Variants in ABHD17B observed in about 807,000 individuals in gnomAD.
The protein encoded by ABHD17B is abhydrolase domain containing 17B, depalmitoylase.
In ABHD17B, 9 loss-of-function variants were observed where a neutral mutation model predicts 26.2. The ratio of observed to expected loss-of-function variants is 0.34; its 90% CI spans 0.21 to 0.60. ABHD17B has a LOEUF of 0.60. ABHD17B is among the 20% of genes least tolerant of loss of function. The pLI is 0.80. For synonymous variants in ABHD17B, 127 were observed against 122.3 expected (o/e 1.04, Z -0.25); for missense variants, 224 against 352.1 (o/e 0.64, Z 2.91).
chr9:71,893,184 T>A (rs13283209), intron 1 of ABHD17B, among the ~76,000 whole-genome samples: 14,747 of 152,202 alleles, frequency 0.097, 935 homozygotes, highest in Middle Eastern at 0.14. Context: ...TGTGACCAGA[T>A]GTATGAGAGA....
chr9:71,898,308 A>C (rs1004659612), intron 1 of ABHD17B, among the ~76,000 whole-genome samples: 13 of 152,030 alleles, frequency 8.6e-5, no homozygotes, highest in Non-Finnish European at 1.0e-4. Context: ...AGAAAGAAGA[A>C]AAGCATAGGG....
chr9:71,896,730 A>C (rs1384839072), intron 1 of ABHD17B, among the ~76,000 whole-genome samples: 1 of 152,146 alleles, frequency 6.6e-6, no homozygotes, highest in Non-Finnish European at 1.5e-5. Flanking sequence ...TCTTCAAGAC[A>C]TAGGAGTGTC....
Position 71,886,039 on chromosome 9 carries a change from A to C in ABHD17B, c.-3-10956T>G, listed in dbSNP as rs567623435. 2.0e-5 allele frequency among the ~76,000 whole-genome samples: 3 copies of C among 152,318 alleles called. No homozygotes were observed. In the East Asian group the frequency reaches 5.8e-4, roughly 29 times the overall value. On this transcript the variant is annotated intron_variant, in intron 1 of 3. Coordinates refer to ENST00000333421, the MANE Select transcript of ABHD17B (RefSeq NM_001025780.3). The stretch of plus-strand genomic sequence containing the variant: ...GTACACTGTATGTGATAAACCATTT[A>C]AATTTTGATATATTAGATTTCATGT...
At chr9:71,908,374 A>G (rs974281498) in intron 1 of ABHD17B, among the ~76,000 whole-genome samples, 15 of 150,458 alleles carry the variant, frequency 1.0e-4, no homozygotes, top group Non-Finnish European at 2.1e-4. Flanking sequence ...CCTGGGCAAC[A>G]AGAGCAAAAC....
At chr9:71,863,785 C>T (rs1314273412), downstream of ABHD17B, among the ~76,000 whole-genome samples, 1 of 152,170 alleles carries the variant, frequency 6.6e-6, no homozygotes, top group Non-Finnish European at 1.5e-5. Context: ...ATACATTGTA[C>T]ATGCCTCTCA....
At chr9:71,898,724 G>C (rs1827040027) in intron 1 of ABHD17B, among the ~76,000 whole-genome samples, 1 of 151,348 alleles carries the variant, frequency 6.6e-6, no homozygotes, top group African/African-American at 2.4e-5. Flanking sequence ...CTGGCTGGGA[G>C]TGGTGGCTCC....
In ABHD17B at chr9:71,874,704, T is replaced by C; in HGVS notation, c.377A>G (p.Asp126Gly). 1 of 1,614,128 alleles carries C rather than the reference T, an allele frequency of 6.2e-7. No individual in the cohort carries two copies. The highest frequency in any genetic ancestry group is 8.5e-7 in the Non-Finnish European group (1 of 1,180,000). ...GGAACTGGCACCATATCCAGAATAA[T>C]CATATGAGAATATATTACAATTAAT... ...SRINCNIFSYDYSGYGASSGK... is the reference protein window; with the variant it reads ...SRINCNIFSYGYSGYGASSGK... The change falls in exon 2 of 4, where the codon GAT becomes GGT. Residue 126 changes from aspartate (D) to glycine (G), a missense_variant. Coordinates refer to ENST00000333421, the MANE Select transcript of ABHD17B (RefSeq NM_001025780.3).
rs977833584 is a variant in ABHD17B at position 71,907,795 on chromosome 9, G to A, written c.-4+2839C>T. ...CTCCCAAAGTGCTGGGATTACAGGC[G>A]TGAGCCACCGAGCCTGGCCGGACAC... On this transcript the variant is annotated intron_variant, in intron 1 of 3. Coordinates refer to ENST00000333421, the MANE Select transcript of ABHD17B (RefSeq NM_001025780.3). 3.9e-5 allele frequency among the ~76,000 whole-genome samples: 6 copies of A among 152,198 alleles called. No homozygotes were observed. The East Asian group carries it at 7.7e-4, about 20-fold the overall frequency.
chr9:71,892,466 G>A (rs1238125834), intron 1 of ABHD17B, among the ~76,000 whole-genome samples: 1 of 151,930 alleles, frequency 6.6e-6, no homozygotes, highest in Non-Finnish European at 1.5e-5. Flanking sequence ...CCGGGAGGTG[G>A]AGCTTGCAGT....
At chr9:71,907,533 CAG>C (rs1221446681) in intron 1 of ABHD17B, among the ~76,000 whole-genome samples, 1 of 152,088 alleles carries the variant, frequency 6.6e-6, no homozygotes, top group Non-Finnish European at 1.5e-5. Flanking sequence ...TTTTCTGAGA[CAG>C]AGTTTTGCTC....
intron 1 of ABHD17B, among the ~76,000 whole-genome samples, chr9:71,886,644 C>T (rs899617516): frequency 1.3e-5 from 2 of 152,040 alleles, no homozygotes; most frequent in African/African-American, 4.8e-5. Flanking sequence ...CTCAGCCTCC[C>T]GAGCAGCTGG....
chr9:71,902,017 T>C (rs1469003849), intron 1 of ABHD17B, among the ~76,000 whole-genome samples: 2 of 152,210 alleles, frequency 1.3e-5, no homozygotes, highest in Non-Finnish European at 2.9e-5. Context: ...ATTTATTTAA[T>C]TTAACAGGCT....
chr9:71,873,881 C>T (rs1165507129), intron 2 of ABHD17B, among the ~76,000 whole-genome samples: 1 of 152,116 alleles, frequency 6.6e-6, no homozygotes, highest in Non-Finnish European at 1.5e-5. Context: ...TTTAGGAACA[C>T]AGAATATAAA....
At chr9:71,871,804 G>A (rs1050846537) in intron 2 of ABHD17B, among the ~76,000 whole-genome samples, 14 of 152,162 alleles carry the variant, frequency 9.2e-5, no homozygotes, top group Admixed American at 8.5e-4. Context: ...CTGACTCCCA[G>A]TTCAGTGTTT....
Position 71,895,057 on chromosome 9 carries a change from C to T in ABHD17B, c.-4+15577G>A, listed in dbSNP as rs77654305. Among the ~76,000 whole-genome samples the T allele has an allele frequency of 7.7e-3, 1,169 of 152,258 alleles. 6 individuals are homozygous for T. Among genetic ancestry groups the T allele is most frequent in the Non-Finnish European group, 0.012 (831 of 68,022 alleles). ...CTGAATTTTGTCAAAACAAATCAAA[C>T]AGTATTATTATTGACTGGCAAATCC... On this transcript the variant is annotated intron_variant, in intron 1 of 3. Coordinates refer to ENST00000333421, the MANE Select transcript of ABHD17B (RefSeq NM_001025780.3).
chr9:71,894,395 G>C (rs1826894158), intron 1 of ABHD17B, among the ~76,000 whole-genome samples: 1 of 151,966 alleles, frequency 6.6e-6, no homozygotes, highest in African/African-American at 2.4e-5. Flanking sequence ...GCCCAGGCTG[G>C]AGTGCAGTGG....
Position 71,867,042 on chromosome 9 carries a change from A to AT in ABHD17B, c.648-37dup, listed in dbSNP as rs749495612. ...AAAGGAAGGGGGAAAAATGCAATAA[A>AT]TTAACTATGTAAAGGAACATATTCT... On this transcript the variant is annotated intron_variant, in intron 3 of 3. Coordinates refer to ENST00000333421, the MANE Select transcript of ABHD17B (RefSeq NM_001025780.3). 20 of 1,603,012 alleles carry AT rather than the reference A, an allele frequency of 1.2e-5. No homozygotes were observed. The East Asian group carries it at 4.2e-4, about 34-fold the overall frequency.
chr9:71,904,836 T>A (rs1308904372), intron 1 of ABHD17B, among the ~76,000 whole-genome samples: 1 of 152,188 alleles, frequency 6.6e-6, no homozygotes, highest in African/African-American at 2.4e-5. Context: ...TCACTGTAAT[T>A]TCATCAGAAC....
intron 1 of ABHD17B, among the ~76,000 whole-genome samples, chr9:71,910,052 CAAAT>C (rs2132224484): frequency 6.6e-6 from 1 of 152,096 alleles, no homozygotes; most frequent in African/African-American, 2.4e-5. Flanking sequence ...AGTTCGAAAA[CAAAT>C]AAGATTAAAG....
Sources: gnomAD v4.1 joint callset for allele counts (sites outside exome capture counted in the v4.1 genomes callset) on GRCh38, gnomAD v4.1.1 for gene constraint, MANE v1.5 for transcripts, NCBI Gene and HGNC (gene_info 2026-07-23, HGNC 2026-07-21) for gene names.